Variants in ENPP6 observed in about 807,000 individuals in gnomAD.
The protein encoded by ENPP6 is ectonucleotide pyrophosphatase/phosphodiesterase 6.
ENPP6 carries 32 observed loss-of-function variants against 42.0 expected under a neutral mutation model. The observed-to-expected ratio is 0.76, with a 90% CI of 0.58 to 1.02. The LOEUF (loss-of-function observed/expected upper bound fraction) is 1.02. Among genes scored for constraint, ENPP6 ranks in the 50% least tolerant of loss-of-function variants. ENPP6 has a pLI of 0.00. For synonymous variants in ENPP6, 213 were observed against 216.0 expected, an observed-to-expected ratio of 0.99 and a Z score of 0.12; for missense variants, 552 against 566.8, an observed-to-expected ratio of 0.97 and a Z score of 0.27.
chr4:184,196,353 T>C (rs1732801529), intron 1 of ENPP6, among the ~76,000 whole-genome samples: 1 of 152,258 alleles, frequency 6.6e-6, no homozygotes, highest in South Asian at 2.1e-4. Context: ...TTCAAGCTTG[T>C]TCAGGACAGA....
intron 6 of ENPP6, among the ~76,000 whole-genome samples, chr4:184,112,265 A>G (rs1165644427): frequency 6.6e-6 from 1 of 152,176 alleles, no homozygotes; most frequent in East Asian, 1.9e-4. Flanking sequence ...CAAACTGGGG[A>G]CTCACAGTCT....
At chr4:184,180,761 A>G (rs1028962214) in intron 1 of ENPP6, among the ~76,000 whole-genome samples, 1 of 152,220 alleles carries the variant, frequency 6.6e-6, no homozygotes, top group African/African-American at 2.4e-5. Context: ...GACAAAAACC[A>G]CATGATTATC....
chr4:184,148,299 G>A (rs540096862), intron 2 of ENPP6, among the ~76,000 whole-genome samples: 2 of 152,094 alleles, frequency 1.3e-5, no homozygotes, highest in Admixed American at 1.3e-4. Flanking sequence ...ATTTGTGAAG[G>A]TTGGAAGTTC....
In ENPP6 at chr4:184,146,587, C is replaced by G. The variant is rs550413582; in HGVS notation, c.421+6967G>C. Among the ~76,000 whole-genome samples the G allele has an allele frequency of 6.6e-5, 10 of 152,326 alleles. No individual in the cohort carries two copies. The East Asian group carries it at 1.7e-3, about 26-fold the overall frequency. On this transcript the variant is annotated intron_variant, in intron 2 of 7. Transcript: ENST00000296741. Reference sequence around the variant, plus strand: ...AAGTCCAGAGCTGGCCGGGGTGCCCCGTTAATAAATGCAGATGCTCTTTTT... The same window carrying G: ...AAGTCCAGAGCTGGCCGGGGTGCCCGGTTAATAAATGCAGATGCTCTTTTT...
At chr4:184,187,633 C>G (rs1189232894) in intron 1 of ENPP6, among the ~76,000 whole-genome samples, 1 of 152,154 alleles carries the variant, frequency 6.6e-6, no homozygotes, top group Non-Finnish European at 1.5e-5. Context: ...TGCAGACCAC[C>G]CTAGGTAAAA....
chr4:184,155,183 G>A (rs1184549643), intron 1 of ENPP6, among the ~76,000 whole-genome samples: 3 of 152,214 alleles, frequency 2.0e-5, no homozygotes, highest in African/African-American at 7.2e-5. Flanking sequence ...CTCATTAAAA[G>A]TAGGGTCCTA....
intron 3 of ENPP6, among the ~76,000 whole-genome samples, chr4:184,122,404 A>ACACCACCACCACCACCACCACCAC (rs57184304): frequency 7.1e-6 from 1 of 140,786 alleles, no homozygotes; most frequent in Non-Finnish European, 1.5e-5. Context: ...ACACACTCAT[A>ACACCACCACCACCACCACCACCAC]CACCACCACC....
At position 184,217,659 on chromosome 4, in the gene ENPP6, A is replaced by C; in HGVS notation, c.161T>G (p.Val54Gly). Residue 54 changes from valine (V) to glycine (G), a missense_variant, in exon 1 of 8, where the codon GTG (valine) becomes GGG (glycine). Physicochemically the swap from Val to Gly is moderately radical, Grantham distance 109. Transcript: ENST00000296741. ...GTAATCCACTTTTACTCCCCTGCTC[A>C]CAATCTCTTTGAAACCAGGCAATGA... ...LESLPGFKEI[V>G]SRGVKVDYLT... 6.2e-7 allele frequency: 1 copy of C among 1,614,206 alleles called. No individual in the cohort carries two copies. Among genetic ancestry groups the C allele is most frequent in the African/African-American group, 1.3e-5 (1 of 75,042 alleles).
intron 2 of ENPP6, among the ~76,000 whole-genome samples, chr4:184,127,888 T>A (rs1260597032): frequency 3.9e-5 from 6 of 152,196 alleles, no homozygotes; most frequent in Non-Finnish European, 8.8e-5. Flanking sequence ...AGTTCCAAAT[T>A]ATGTCAACAG....
At chr4:184,164,211 T>C (rs1004363330) in intron 1 of ENPP6, among the ~76,000 whole-genome samples, 3 of 152,226 alleles carry the variant, frequency 2.0e-5, no homozygotes, top group Non-Finnish European at 2.9e-5. Flanking sequence ...GGATTCATGA[T>C]ACTCTCCGGG....
rs770293057 is a variant in ENPP6, at chr4:184,116,898, C to A, written c.813G>T (p.Gly271=). 1.4e-5 allele frequency: 23 copies of A among 1,614,032 alleles called. No homozygotes were observed. In the Admixed American group the frequency reaches 3.7e-4, roughly 26 times the overall value. Reference sequence around the variant, plus strand: ...GGGCCGGCCAAAGGCTCACAACAGGCCCGCGGTCCTTCACTTGCTGCAGGT... The same window carrying A: ...GGGCCGGCCAAAGGCTCACAACAGGACCGCGGTCCTTCACTTGCTGCAGGT... ...LNDLQQVKDR[G]PVVSLWPAPG... The change falls in exon 5 of 8, where the codon GGG becomes GGT. Residue 271 remains glycine (G), a synonymous_variant. Coordinates refer to ENST00000296741, the MANE Select transcript of ENPP6 (RefSeq NM_153343.4).
At chr4:184,128,052 CAAAAA>C (rs933399296) in intron 2 of ENPP6, among the ~76,000 whole-genome samples, 2 of 151,712 alleles carry the variant, frequency 1.3e-5, no homozygotes, top group African/African-American at 4.8e-5. Context: ...AGGAAAAAAA[CAAAAA>C]AAATTGATCA....
rs150154115 is a variant in ENPP6 at position 184,150,688 on chromosome 4, T to C, written c.421+2866A>G. Among the ~76,000 whole-genome samples the C allele has an allele frequency of 4.9e-4, 74 of 152,038 alleles. 1 individual carries two copies. In the East Asian group the frequency reaches 0.013, roughly 27 times the overall value. On this transcript the variant is annotated intron_variant, in intron 2 of 7. Coordinates refer to ENST00000296741, the MANE Select transcript of ENPP6 (RefSeq NM_153343.4). ...GCAGAGACAGCTGGCTCTCTGAGAG[T>C]TTCATTTGAGTATCCAGTTTAGAAG...
At chr4:184,127,718 T>C (rs1361041851) in intron 2 of ENPP6, among the ~76,000 whole-genome samples, 1 of 152,168 alleles carries the variant, frequency 6.6e-6, no homozygotes, top group Non-Finnish European at 1.5e-5. Context: ...GATTGAGCCA[T>C]TGCACTCCAG....
intron 1 of ENPP6, among the ~76,000 whole-genome samples, chr4:184,212,411 G>A (rs1228791548): frequency 3.4e-5 from 5 of 149,160 alleles, no homozygotes; most frequent in African/African-American, 5.0e-5. Context: ...CAAAATCAAT[G>A]TACAAAAATC....
At chr4:184,093,842 T>C (rs1735851542) in intron 7 of ENPP6, among the ~76,000 whole-genome samples, 1 of 152,054 alleles carries the variant, frequency 6.6e-6, no homozygotes, top group Admixed American at 6.6e-5. Flanking sequence ...TCCAGCGGCA[T>C]GGAAGCAACT....
chr4:184,091,750 T>C (rs138770044), intron 7 of ENPP6, among the ~76,000 whole-genome samples: 148 of 152,052 alleles, frequency 9.7e-4, no homozygotes, highest in African/African-American at 3.3e-3. Context: ...CTAAAAAAAA[T>C]TTTTTAAACC....
intron 2 of ENPP6, among the ~76,000 whole-genome samples, chr4:184,149,913 T>C (rs1736994981): frequency 6.6e-6 from 1 of 152,180 alleles, no homozygotes; most frequent in Non-Finnish European, 1.5e-5. Flanking sequence ...ATTCTCTGCT[T>C]TGGGTTCTTT....
chr4:184,150,841 T>C (rs1737011783), intron 2 of ENPP6, among the ~76,000 whole-genome samples: 1 of 152,258 alleles, frequency 6.6e-6, no homozygotes, highest in African/African-American at 2.4e-5. Flanking sequence ...TTATAGCTTC[T>C]TTCCTCCTGA....
Sources: gnomAD v4.1 joint callset for allele counts (sites outside exome capture counted in the v4.1 genomes callset) on GRCh38, gnomAD v4.1.1 for gene constraint, MANE v1.5 for transcripts, NCBI Gene and HGNC (gene_info 2026-07-23, HGNC 2026-07-21) for gene names.